Variants in PGRMC2 observed in about 807,000 individuals in gnomAD.
PGRMC2 encodes the protein membrane-associated progesterone receptor component 2.
A neutral mutation model predicts 19.3 loss-of-function variants in PGRMC2; 9 were observed. The observed-to-expected ratio is 0.47, with a 90% CI of 0.28 to 0.81. The LOEUF (loss-of-function observed/expected upper bound fraction) is 0.81, where lower values mean the gene tolerates loss of function less well. PGRMC2 is among the 40% of genes least tolerant of loss of function. The probability of loss-of-function intolerance (pLI) is 0.11; values close to 1 mark genes in which losing one functional copy is unlikely to be tolerated. For synonymous variants in PGRMC2, 157 were observed against 124.6 expected, an observed-to-expected ratio of 1.26 and a Z score of -1.73; for missense variants, 289 against 297.3, an observed-to-expected ratio of 0.97 and a Z score of 0.21.
chr4:128,287,293 G>A, intron 1 of PGRMC2, 80 bp downstream of exon 1: 1 of 1,470,636 alleles, frequency 6.8e-7, no homozygotes, highest in Non-Finnish European at 9.1e-7. Context: ...AAACTAACCC[G>A]GTGCCCAGAG....
chr4:128,285,541 G>A (rs181257318), intron 1 of PGRMC2, among the ~76,000 whole-genome samples: 1 of 152,308 alleles, frequency 6.6e-6, no homozygotes, highest in East Asian at 1.9e-4. Context: ...TAATGTGTGA[G>A]GACTAATACG....
intron 1 of PGRMC2, among the ~76,000 whole-genome samples, chr4:128,273,684 A>G (rs1299608707): frequency 2.0e-5 from 3 of 152,236 alleles, no homozygotes; most frequent in East Asian, 3.8e-4. Context: ...ATTCATATAT[A>G]AAAGTATTTA....
At chr4:128,282,717 T>A (rs1238726990) in intron 1 of PGRMC2, among the ~76,000 whole-genome samples, 1 of 152,238 alleles carries the variant, frequency 6.6e-6, no homozygotes, top group Non-Finnish European at 1.5e-5. Context: ...CAGTGGCAAC[T>A]TTAGGACATC....
chr4:128,286,134 T>A (rs1760979252), intron 1 of PGRMC2, among the ~76,000 whole-genome samples: 1 of 144,410 alleles, frequency 6.9e-6, no homozygotes, highest in Non-Finnish European at 1.5e-5. Flanking sequence ...CAGATTAAAT[T>A]AAGGAGAAAA....
chr4:128,287,265 G>C (rs756934665), intron 1 of PGRMC2, 108 bp downstream of exon 1: 5 of 1,317,268 alleles, frequency 3.8e-6, no homozygotes, highest in Non-Finnish European at 5.1e-6. Context: ...GGGGGTCCCG[G>C]AGACGAGAAG....
At position 128,269,528 on chromosome 4, in the gene PGRMC2, A is replaced by G. The variant is rs1004195135; in HGVS notation, c.*1788T>C. 6.6e-6 allele frequency: 1 copy of G among 151,830 alleles called. No individual in the cohort carries two copies. Among genetic ancestry groups the G allele is most frequent in the Admixed American group, 6.5e-5 (1 of 15,272 alleles). 9.4% of individuals were successfully genotyped at this position (151,830 alleles called of 1,614,324 possible). Reference sequence around the variant, plus strand: ...GTCTTCAGCAAAGATTTGGCTGAAGATAACTTTCTACAAAACACTCCAAGA... The same window carrying G: ...GTCTTCAGCAAAGATTTGGCTGAAGGTAACTTTCTACAAAACACTCCAAGA... On this transcript the variant is annotated 3_prime_UTR_variant, in exon 3 of 3. Coordinates refer to ENST00000296425, the MANE Select transcript of PGRMC2 (RefSeq NM_006320.6).
intron 1 of PGRMC2, among the ~76,000 whole-genome samples, chr4:128,275,194 T>A (rs1342812716): frequency 6.6e-6 from 1 of 152,198 alleles, no homozygotes; most frequent in Non-Finnish European, 1.5e-5. Flanking sequence ...TTCTAAGCAT[T>A]CTATTATAGT....
Position 128,271,149 on chromosome 4 carries a change from A to C in PGRMC2, c.*167T>G, listed in dbSNP as rs41299537. 20 of 453,576 alleles carry C rather than the reference A, an allele frequency of 4.4e-5. No individual in the cohort carries two copies. In the East Asian group the frequency reaches 6.9e-4, roughly 16 times the overall value. The allele number at this position is 453,576 out of a possible 1,614,324, so 28.1% of individuals were successfully genotyped here. On this transcript the variant is annotated 3_prime_UTR_variant, in exon 3 of 3. Transcript: ENST00000296425. ...GCAACAAATGAGTTTGGCAGCATAA[A>C]TAATGTCTAGTTATTCAAATCTTCA...
intron 1 of PGRMC2, among the ~76,000 whole-genome samples, chr4:128,279,203 T>C (rs1358397411): frequency 6.6e-6 from 1 of 150,694 alleles, no homozygotes; most frequent in African/African-American, 2.4e-5. Flanking sequence ...AGTGAAACTC[T>C]GTCTCAAAAA....
Position 128,271,120 on chromosome 4 carries a change from A to T in PGRMC2, c.*196T>A. The T allele has an allele frequency of 2.4e-6, 1 of 411,900 alleles. No individual in the cohort carries two copies. Among genetic ancestry groups the T allele is most frequent in the East Asian group, 3.7e-5 (1 of 27,060 alleles). The allele number at this position is 411,900 out of a possible 1,614,324, so 25.5% of individuals were successfully genotyped here. A position where few individuals can be genotyped will look rare whatever the true frequency, so the allele number is the denominator to read the frequency against. ...TGAAGCCCCACTAGACATTACAAACAACTGCAACAAATGAGTTTGGCAGCA... is the reference window on the plus strand; with the variant it reads ...TGAAGCCCCACTAGACATTACAAACTACTGCAACAAATGAGTTTGGCAGCA... On this transcript the variant is annotated 3_prime_UTR_variant, in exon 3 of 3. Transcript: ENST00000296425.
At chr4:128,286,604 A>G (rs1439471223) in intron 1 of PGRMC2, 1 of 398,498 alleles carries the variant, frequency 2.5e-6, no homozygotes, top group African/African-American at 2.1e-5. Flanking sequence ...AAGAAAAAAG[A>G]AACCAGAGAC....
At chr4:128,271,453 T>C in intron 2 of PGRMC2, 40 bp from the exon 3 acceptor site, 1 of 1,050,822 alleles carries the variant, frequency 9.5e-7, no homozygotes, top group East Asian at 2.4e-5. Context: ...GTGATCAAAT[T>C]TGTTTCACTA....
intron 1 of PGRMC2, among the ~76,000 whole-genome samples, chr4:128,284,116 G>T (rs1001075243): frequency 6.6e-6 from 1 of 152,078 alleles, no homozygotes; most frequent in African/African-American, 2.4e-5. Context: ...TGGCCGAAAG[G>T]CATGTTTTTT....
chr4:128,281,938 T>G (rs1760915749), intron 1 of PGRMC2, among the ~76,000 whole-genome samples: 1 of 152,200 alleles, frequency 6.6e-6, no homozygotes, highest in Non-Finnish European at 1.5e-5. Flanking sequence ...TGCTTAAATG[T>G]CGAGCCCTTT....
chr4:128,287,316 G>A (rs770078777), intron 1 of PGRMC2, 57 bp downstream of exon 1: 16 of 1,541,248 alleles, frequency 1.0e-5, no homozygotes, highest in South Asian at 1.2e-5. Flanking sequence ...CTCCCTGTCC[G>A]AAGGGGGTTG....
Position 128,279,439 on chromosome 4 carries a change from A to C in PGRMC2, c.419-6922T>G, listed in dbSNP as rs181133550. On this transcript the variant is annotated intron_variant, in intron 1 of 2. Coordinates refer to ENST00000296425, the MANE Select transcript of PGRMC2 (RefSeq NM_006320.6). ...GAAGTGAGAAACAGGCATTTTCATC[A>C]AGTGTAAATTGGTCCAACCTCTCTG... Among the ~76,000 whole-genome samples, 26 of 152,340 alleles carry C rather than the reference A, an allele frequency of 1.7e-4. 1 individual carries two copies. Among genetic ancestry groups the C allele is most frequent in the Admixed American group, 1.4e-3 (21 of 15,296 alleles).
At chr4:128,274,986 A>C (rs1472066104) in intron 1 of PGRMC2, among the ~76,000 whole-genome samples, 1 of 152,200 alleles carries the variant, frequency 6.6e-6, no homozygotes, top group Admixed American at 6.5e-5. Flanking sequence ...CAGAACTGAG[A>C]GTACTATTTC....
At chr4:128,283,398 T>C (rs1421509248) in intron 1 of PGRMC2, among the ~76,000 whole-genome samples, 1 of 152,166 alleles carries the variant, frequency 6.6e-6, no homozygotes, top group Non-Finnish European at 1.5e-5. Context: ...AGAATCAGTG[T>C]TGTTTTCAAC....
At chr4:128,286,954 T>A in intron 1 of PGRMC2, 1 of 383,656 alleles carries the variant, frequency 2.6e-6, no homozygotes, top group South Asian at 1.4e-4. Flanking sequence ...AGGTCCCAAC[T>A]TCAGAAATCT....
Sources: gnomAD v4.1 joint callset for allele counts (sites outside exome capture counted in the v4.1 genomes callset) on GRCh38, gnomAD v4.1.1 for gene constraint, MANE v1.5 for transcripts, NCBI Gene and HGNC (gene_info 2026-07-23, HGNC 2026-07-21) for gene names.